The following BCL2L14 variants were observed in gnomAD, a reference collection of about 807,000 sequenced individuals.
The protein encoded by BCL2L14 is BCL2 like 14.
BCL2L14 carries 27 observed loss-of-function variants against 35.3 expected under a neutral mutation model. That is an observed-to-expected ratio of 0.76 (90% confidence interval 0.56 to 1.05). The LOEUF is 1.05. Among genes scored for constraint, BCL2L14 ranks in the 50% least tolerant of loss-of-function variants. The pLI, the probability that BCL2L14 is intolerant of heterozygous loss-of-function variation, is 0.00. For missense variants in BCL2L14, 377 were observed against 382.6 expected (o/e 0.99, Z 0.12); for synonymous variants, 139 against 145.9 (o/e 0.95, Z 0.34).
In BCL2L14 at chr12:12,050,859, A is replaced by G. The variant is rs1591796837; in HGVS notation, c.-324+905A>G. Among the ~76,000 whole-genome samples the G allele has an allele frequency of 2.0e-5, 3 of 152,038 alleles. No individual in the cohort carries two copies. The South Asian group carries it at 6.2e-4, about 32-fold the overall frequency. On this transcript the variant is annotated intron_variant, in intron 1 of 3. Transcript: ENST00000461264. ...AAGAATGGCCGTGCATAAATCTCAT[A>G]ATGTTTTAAGAAAGTTTACAAATTT... is the stretch of plus-strand genomic sequence containing the variant.
chr12:12,051,528 G>A (rs139291942), intron 1 of BCL2L14, among the ~76,000 whole-genome samples: 5 of 151,802 alleles, frequency 3.3e-5, no homozygotes, highest in Admixed American at 1.3e-4. Flanking sequence ...GGAAGAATCC[G>A]CCCCACACAG....
At chr12:12,089,372 TAAA>T (rs113134874) in intron 3 of BCL2L14, among the ~76,000 whole-genome samples, 1 of 125,700 alleles carries the variant, frequency 8.0e-6, no homozygotes, top group Non-Finnish European at 1.7e-5. Context: ...TCCATCTCAA[TAAA>T]AAAAAAAAAA....
At chr12:12,059,283 G>C (rs187342114) in intron 2 of BCL2L14, among the ~76,000 whole-genome samples, 1 of 151,690 alleles carries the variant, frequency 6.6e-6, no homozygotes, top group Admixed American at 6.5e-5. Flanking sequence ...CCTTCTCTCC[G>C]TGTCTCTACC....
intron 2 of BCL2L14, among the ~76,000 whole-genome samples, chr12:12,082,895 A>G (rs1948957810): frequency 6.6e-6 from 1 of 152,114 alleles, no homozygotes; most frequent in African/African-American, 2.4e-5. Context: ...AGAGCCTCAC[A>G]TTCTATTTCT....
upstream of BCL2L14, chr12:12,068,021 C>A (rs548593385): frequency 7.8e-6 from 3 of 382,248 alleles, no homozygotes; most frequent in African/African-American, 6.2e-5. Flanking sequence ...CAGCCTCAAG[C>A]CCCCGGCCCC....
chr12:12,075,055 A>C (rs1442050114), intron 1 of BCL2L14, among the ~76,000 whole-genome samples: 1 of 152,182 alleles, frequency 6.6e-6, no homozygotes, highest in African/African-American at 2.4e-5. Context: ...TTACGATTTA[A>C]TAAAGATCCA....
upstream of BCL2L14, chr12:12,049,880 AG>A (rs1160685415): frequency 6.6e-6 from 1 of 152,280 alleles, no homozygotes; most frequent in Non-Finnish European, 1.5e-5. Context: ...GCTTCATCCT[AG>A]AGGCTAAATG....
intron 2 of BCL2L14, among the ~76,000 whole-genome samples, chr12:12,059,104 T>C (rs1364142639): frequency 1.3e-5 from 2 of 152,142 alleles, no homozygotes; most frequent in South Asian, 2.1e-4. Flanking sequence ...CCGGTGCCGG[T>C]CACGGACTGG....
At position 12,062,215 on chromosome 12, in the gene BCL2L14, G is replaced by C. The variant is rs544575290; in HGVS notation, c.-272+10368G>C. On this transcript the variant is annotated intron_variant, in intron 2 of 3. Coordinates refer to the BCL2L14 transcript ENST00000461264. ...TTTGTTAAGTCCCACAATTACCATT[G>C]TTCCTGGCCCGGACTTCAATCTGGC... Among the ~76,000 whole-genome samples, 548 of 150,892 alleles carry C rather than the reference G, an allele frequency of 3.6e-3. 5 individuals carry two copies. Among genetic ancestry groups the C allele is most frequent in the African/African-American group, 0.011 (464 of 40,744 alleles).
At chr12:12,065,794 A>ATTT (rs35435604) in intron 2 of BCL2L14, among the ~76,000 whole-genome samples, 1 of 139,850 alleles carries the variant, frequency 7.2e-6, no homozygotes. Context: ...CTTTGTTTCT[A>ATTT]TTTTTTTTTT....
chr12:12,083,885 T>TGATCAA (rs1372907462), intron 2 of BCL2L14, among the ~76,000 whole-genome samples: 2 of 151,728 alleles, frequency 1.3e-5, no homozygotes, highest in Non-Finnish European at 2.9e-5. Flanking sequence ...GAGGCGCAGG[T>TGATCAA]TGCACTGAGC....
chr12:12,075,713 T>A (rs1948767073), intron 1 of BCL2L14, among the ~76,000 whole-genome samples: 1 of 152,102 alleles, frequency 6.6e-6, no homozygotes, highest in Non-Finnish European at 1.5e-5. Context: ...GCGTGAGCCA[T>A]CGTCCCCTGC....
chr12:12,059,809 C>A (rs1464586479), intron 2 of BCL2L14, among the ~76,000 whole-genome samples: 1 of 152,166 alleles, frequency 6.6e-6, no homozygotes, highest in Non-Finnish European at 1.5e-5. Context: ...AATACAAACT[C>A]CACAGTAGTT....
chr12:12,081,489 T>C (rs919492284), intron 2 of BCL2L14, among the ~76,000 whole-genome samples: 1 of 147,918 alleles, frequency 6.8e-6, no homozygotes, highest in Admixed American at 6.7e-5. Flanking sequence ...TTGCCCTTCA[T>C]GCGCACACCT....
At position 12,079,606 on chromosome 12, in the gene BCL2L14, G is replaced by T. The variant is rs774795644; in HGVS notation, c.301G>T (p.Glu101Ter). The change falls in exon 2 of 6, where the codon GAG (glutamate) becomes TAG (stop). Residue 101 changes from glutamate to a stop codon, truncating the protein, a stop_gained. Coordinates refer to ENST00000308721, the MANE Select transcript of BCL2L14 (RefSeq NM_138723.2). LOFTEE classifies it high-confidence loss of function. ...SSWKAFFGVV[E>*]KEDSQSTPAK... ...TTGGAAAGCATTCTTTGGAGTAGTG[G>T]AGAAGGAAGATTCGCAGAGCACGCC... 6.2e-7 allele frequency: 1 copy of T among 1,614,212 alleles called. No individual in the cohort carries two copies. The highest frequency in any genetic ancestry group is 1.7e-5 in the Admixed American group (1 of 60,028).
chr12:12,061,266 C>G (rs980089640), intron 2 of BCL2L14, among the ~76,000 whole-genome samples: 6 of 151,852 alleles, frequency 4.0e-5, no homozygotes, highest in African/African-American at 1.4e-4. Context: ...TGTATCTCCC[C>G]ACCTTAACCC....
chr12:12,060,962 G>A (rs184058380), intron 2 of BCL2L14, among the ~76,000 whole-genome samples: 15,038 of 54,186 alleles, frequency 0.28, 3,060 homozygotes, highest in East Asian at 0.86. Context: ...TAATCAATAC[G>A]GAGGCTACCC....
chr12:12,056,250 T>C (rs144493975), intron 2 of BCL2L14, among the ~76,000 whole-genome samples: 26 of 152,340 alleles, frequency 1.7e-4, no homozygotes, highest in Non-Finnish European at 2.9e-4. Flanking sequence ...GGATAAAATC[T>C]GCCTTACCCT....
intron 2 of BCL2L14, among the ~76,000 whole-genome samples, chr12:12,058,163 G>A (rs561693064): frequency 2.0e-5 from 3 of 151,970 alleles, no homozygotes; most frequent in African/African-American, 7.2e-5. Context: ...TGTTGGCCAG[G>A]CTGTTCTCCA....
Sources: gnomAD v4.1 joint callset for allele counts (sites outside exome capture counted in the v4.1 genomes callset) on GRCh38, gnomAD v4.1.1 for gene constraint, MANE v1.5 for transcripts, NCBI Gene and HGNC (gene_info 2026-07-23, HGNC 2026-07-21) for gene names.